WDR41: variants seen among roughly 807,000 people sequenced by gnomAD.
WDR41 encodes the protein WD repeat domain 41, also known as WD repeat-containing protein 41.
WDR41 carries 63 observed loss-of-function variants against 69.3 expected under a neutral mutation model. That is an observed-to-expected ratio of 0.91 (90% CI 0.74 to 1.12). The LOEUF is 1.12. WDR41 is among the 50% of genes most tolerant of loss of function. The probability of loss-of-function intolerance (pLI) is 0.00; values close to 1 mark genes in which losing one functional copy is unlikely to be tolerated. For missense variants in WDR41, 543 were observed against 534.5 expected, an observed-to-expected ratio of 1.02 and a Z score of -0.16; for synonymous variants, 185 against 192.1, an observed-to-expected ratio of 0.96 and a Z score of 0.31.
At chr5:77,448,929 G>A (rs888643850) in intron 8 of WDR41, among the ~76,000 whole-genome samples, 1 of 151,938 alleles carries the variant, frequency 6.6e-6, no homozygotes, top group African/African-American at 2.4e-5. Context: ...AGGCCTCAGG[G>A]AGATATGTTG....
intron 1 of WDR41, among the ~76,000 whole-genome samples, chr5:77,618,218 T>C (rs893431352): frequency 1.3e-5 from 2 of 152,254 alleles, no homozygotes; most frequent in East Asian, 3.9e-4. Context: ...AACTATAAAA[T>C]GAGATTCCTA....
In WDR41 at chr5:77,609,748, G is replaced by A. The variant is rs1263889412; in HGVS notation, c.42+10731C>T. Among the ~76,000 whole-genome samples the A allele has an allele frequency of 7.9e-5, 12 of 151,834 alleles. 1 individual carries two copies. Among genetic ancestry groups the A allele is most frequent in the East Asian group, 3.9e-4 (2 of 5,164 alleles). On this transcript the variant is annotated intron_variant, in intron 1 of 5. Transcript: ENST00000509971. ...AACTGGAAACTCTAAAAAGCAGAGC[G>A]CCTCTCCTCCTCCAAAGGAACACAG...
intron 2 of WDR41, among the ~76,000 whole-genome samples, chr5:77,472,558 T>A (rs558753958): frequency 2.0e-5 from 3 of 152,164 alleles, no homozygotes; most frequent in Non-Finnish European, 4.4e-5. Context: ...CTTAAGCTGA[T>A]AGGCAACTTC....
intron 1 of WDR41, among the ~76,000 whole-genome samples, chr5:77,508,785 G>A (rs1581778861): frequency 6.8e-6 from 1 of 146,296 alleles, no homozygotes; most frequent in African/African-American, 2.6e-5. Context: ...AACTATTTTA[G>A]TGGTCTGTTT....
intron 1 of WDR41, among the ~76,000 whole-genome samples, chr5:77,589,607 C>A (rs1220677338): frequency 6.6e-6 from 1 of 151,992 alleles, no homozygotes; most frequent in African/African-American, 2.4e-5. Flanking sequence ...AGGATATATT[C>A]CTAAGTGTTT....
chr5:77,590,754 G>A (rs1744121828), intron 1 of WDR41, among the ~76,000 whole-genome samples: 1 of 152,152 alleles, frequency 6.6e-6, no homozygotes, highest in Admixed American at 6.5e-5. Context: ...GACAGATGTC[G>A]TGGCAACAAC....
chr5:77,559,858 C>T (rs1247465117), intron 1 of WDR41, among the ~76,000 whole-genome samples: 1 of 152,004 alleles, frequency 6.6e-6, no homozygotes, highest in Non-Finnish European at 1.5e-5. Context: ...ACCTCTTGGT[C>T]CAGCCAGATC....
At chr5:77,526,662 C>T (rs1802451423) in intron 1 of WDR41, among the ~76,000 whole-genome samples, 1 of 152,054 alleles carries the variant, frequency 6.6e-6, no homozygotes, top group South Asian at 2.1e-4. Context: ...CCTGCTTTTT[C>T]ACCCCAATAC....
chr5:77,535,860 C>T (rs1742962999), intron 1 of WDR41, among the ~76,000 whole-genome samples: 1 of 152,202 alleles, frequency 6.6e-6, no homozygotes, highest in East Asian at 1.9e-4. Flanking sequence ...TAAGATTTGC[C>T]TACCTAGCTG....
Position 77,610,390 on chromosome 5 carries a change from A to G in WDR41, c.42+10089T>C, listed in dbSNP as rs555387648. Among the ~76,000 whole-genome samples, 29 of 152,350 alleles carry G rather than the reference A, an allele frequency of 1.9e-4. 1 individual carries two copies. The South Asian group carries it at 5.8e-3, about 30-fold the overall frequency. On this transcript the variant is annotated intron_variant, in intron 1 of 5. Coordinates refer to the WDR41 transcript ENST00000509971. ...AACTTGAAATGAAGGAAAAAATGTTAAGGGCAGCCAGAGAGAAAGGTCGGG... is the reference window on the plus strand; with the variant it reads ...AACTTGAAATGAAGGAAAAAATGTTGAGGGCAGCCAGAGAGAAAGGTCGGG...
In WDR41 at chr5:77,449,248, G is replaced by T. The variant is rs1438904921; in HGVS notation, c.697+512C>A. 2.6e-5 allele frequency among the ~76,000 whole-genome samples: 4 copies of T among 152,236 alleles called. No individual in the cohort carries two copies. In the East Asian group the frequency reaches 7.7e-4, roughly 29 times the overall value. On this transcript the variant is annotated intron_variant, in intron 8 of 12. Coordinates refer to ENST00000296679, the MANE Select transcript of WDR41 (RefSeq NM_018268.4). ...GGTCAAAACCCCCACCACGAGGAAG[G>T]AAGGGAAGACATGACCCATTTTCTG...
Position 77,492,304 on chromosome 5 carries a change from C to A in WDR41, c.-84G>T. 6.4e-7 allele frequency: 1 copy of A among 1,571,036 alleles called. No individual in the cohort carries two copies. Among genetic ancestry groups the A allele is most frequent in the South Asian group, 1.1e-5 (1 of 87,322 alleles). ...GCTCGGCCTCCTCCTTCCTCCCCGGCTGCAGCGCAACTGAGACGCTAATAC... is the reference window on the plus strand; with the variant it reads ...GCTCGGCCTCCTCCTTCCTCCCCGGATGCAGCGCAACTGAGACGCTAATAC... On this transcript the variant is annotated 5_prime_UTR_variant, in exon 1 of 13. Coordinates refer to ENST00000296679, the MANE Select transcript of WDR41 (RefSeq NM_018268.4).
At chr5:77,590,493 G>A (rs984712906) in intron 1 of WDR41, among the ~76,000 whole-genome samples, 4 of 152,172 alleles carry the variant, frequency 2.6e-5, no homozygotes, top group Non-Finnish European at 5.9e-5. Flanking sequence ...TACAAGCCTC[G>A]AAGGATAGGG....
intron 2 of WDR41, among the ~76,000 whole-genome samples, chr5:77,486,359 A>G (rs977072670): frequency 2.0e-5 from 3 of 152,206 alleles, no homozygotes; most frequent in African/African-American, 7.2e-5. Flanking sequence ...AAAAGCCAAA[A>G]AGCAGGCTTC....
intron 2 of WDR41, among the ~76,000 whole-genome samples, chr5:77,478,824 A>G (rs937394903): frequency 6.6e-6 from 1 of 151,514 alleles, no homozygotes; most frequent in African/African-American, 2.4e-5. Context: ...AGTTCTGGCC[A>G]GGGCAATTAG....
Position 77,478,627 on chromosome 5 carries a change from A to T in WDR41, c.167+10830T>A, listed in dbSNP as rs1333735280. 4.6e-5 allele frequency among the ~76,000 whole-genome samples: 7 copies of T among 152,224 alleles called. 1 individual carries two copies. The highest frequency in any genetic ancestry group is 4.1e-4 in the South Asian group (2 of 4,826). On this transcript the variant is annotated intron_variant, in intron 2 of 12. Transcript: ENST00000296679. ...AAGGCCTTTGACAAAATTCAACAACACTTCATGCTAAAAATTCTCAATAAA... is the reference window on the plus strand; with the variant it reads ...AAGGCCTTTGACAAAATTCAACAACTCTTCATGCTAAAAATTCTCAATAAA...
intron 1 of WDR41, among the ~76,000 whole-genome samples, chr5:77,497,370 T>C (rs1289390784): frequency 6.6e-6 from 1 of 152,110 alleles, no homozygotes; most frequent in Non-Finnish European, 1.5e-5. Context: ...ATACCTGTAA[T>C]ATATAAACAT....
intron 1 of WDR41, among the ~76,000 whole-genome samples, chr5:77,568,961 A>G (rs900700374): frequency 6.6e-6 from 1 of 152,152 alleles, no homozygotes; most frequent in Non-Finnish European, 1.5e-5. Context: ...GCAGTGTCAC[A>G]GAGTGGTCCC....
intron 1 of WDR41, among the ~76,000 whole-genome samples, chr5:77,518,914 G>T (rs922048736): frequency 6.6e-6 from 1 of 151,842 alleles, no homozygotes. Context: ...TTTTCTTTGC[G>T]ACCTCCAATA....
Sources: gnomAD v4.1 joint callset for allele counts (sites outside exome capture counted in the v4.1 genomes callset) on GRCh38, gnomAD v4.1.1 for gene constraint, MANE v1.5 for transcripts, NCBI Gene and HGNC (gene_info 2026-07-23, HGNC 2026-07-21) for gene names.